Variants in STAT4 observed in about 807,000 individuals in gnomAD.
STAT4 encodes the protein signal transducer and activator of transcription 4.
Under a neutral mutation model 110.5 loss-of-function variants are expected in STAT4, and 42 were observed. The observed-to-expected ratio is 0.38, with a 90% CI of 0.30 to 0.49. The LOEUF (loss-of-function observed/expected upper bound fraction) is 0.49, where lower values mean the gene tolerates loss of function less well. STAT4 is among the 20% of genes least tolerant of loss of function. STAT4 has a pLI of 0.95. For missense variants in STAT4, 632 were observed against 887.9 expected (o/e 0.71, Z 3.66); for synonymous variants, 284 against 302.2 (o/e 0.94, Z 0.63).
rs1486303114 is a variant in STAT4 at position 191,033,636 on chromosome 2, G to C, written c.1716-10C>G. 1.9e-6 allele frequency: 3 copies of C among 1,609,502 alleles called. No individual in the cohort carries two copies. The highest frequency in any genetic ancestry group is 2.5e-6 in the Non-Finnish European group (3 of 1,178,634). ...AAAGCCCATGACATACCTAAAAATA[G>C]AACATGCATTATTTCATCTGATCAT... is the stretch of plus-strand genomic sequence containing the variant. On this transcript the variant is annotated splice_polypyrimidine_tract_variant and intron_variant, in intron 19 of 23. Coordinates refer to ENST00000392320, the MANE Select transcript of STAT4 (RefSeq NM_003151.4). This position sits in a 1 kb window ranked among gnomAD's most constrained non-coding sequence, Gnocchi z 6.9.
rs145782626 is a variant in STAT4 at position 191,142,226 on chromosome 2, T to TAC, written c.273+4386_273+4387insGT. Among the ~76,000 whole-genome samples, 6,187 of 151,566 alleles carry TAC rather than the reference T, an allele frequency of 0.041. 429 individuals are homozygous for TAC. The highest frequency in any genetic ancestry group is 0.14 in the African/African-American group (5,760 of 41,198). ...AAAATAAAGAAAATAGATATATATA[T>TAC]ATACACACACACACACATGCATACA... On this transcript the variant is annotated intron_variant, in intron 3 of 23. Coordinates refer to ENST00000392320, the MANE Select transcript of STAT4 (RefSeq NM_003151.4). The surrounding 1 kb of genome is among the most constrained non-coding windows in gnomAD (Gnocchi z 4.1).
At chr2:191,109,588 G>T (rs779334886) in intron 3 of STAT4, among the ~76,000 whole-genome samples, 3 of 152,190 alleles carry the variant, frequency 2.0e-5, no homozygotes, top group Admixed American at 1.3e-4. Flanking sequence ...CCTTGTTAAA[G>T]GCTGACCTGG....
rs562426865 is a variant in STAT4, at chr2:191,146,202, A to G, written c.273+411T>C. Among the ~76,000 whole-genome samples, 84 of 152,312 alleles carry G rather than the reference A, an allele frequency of 5.5e-4. No homozygotes were observed. The highest frequency in any genetic ancestry group is 3.4e-3 in the Middle Eastern group (1 of 294). On this transcript the variant is annotated intron_variant, in intron 3 of 23. Coordinates refer to ENST00000392320, the MANE Select transcript of STAT4 (RefSeq NM_003151.4). The surrounding 1 kb of genome is among the most constrained non-coding windows in gnomAD (Gnocchi z 4.5). ...TAAAGGAGTGTGAGATCTGAACCAAATCTGTAAGAATACATTCACTCATGA... is the reference window on the plus strand; with the variant it reads ...TAAAGGAGTGTGAGATCTGAACCAAGTCTGTAAGAATACATTCACTCATGA...
intron 13 of STAT4, among the ~76,000 whole-genome samples, chr2:191,056,204 G>T (rs1258187574): frequency 6.6e-6 from 1 of 152,162 alleles, no homozygotes; most frequent in Non-Finnish European, 1.5e-5. Flanking sequence ...GGCAGATTCA[G>T]TGGCGCCCAA....
rs3024907 is a variant in STAT4, at chr2:191,029,716, T to C, written c.*124A>G. ...ACGGGAGTGTGAAGAGAGCTTCAGATGTCAAACATTTCCTAGAACCTGGTA... is the reference window on the plus strand; with the variant it reads ...ACGGGAGTGTGAAGAGAGCTTCAGACGTCAAACATTTCCTAGAACCTGGTA... On this transcript the variant is annotated 3_prime_UTR_variant, in exon 24 of 24. Coordinates refer to ENST00000392320, the MANE Select transcript of STAT4 (RefSeq NM_003151.4). This position sits in a 1 kb window ranked among gnomAD's most constrained non-coding sequence, Gnocchi z 4.5. 954 of 876,092 alleles carry C rather than the reference T, an allele frequency of 1.1e-3. 8 individuals carry two copies. The African/African-American group carries it at 0.015, about 13-fold the overall frequency. The allele number at this position is 876,092 out of a possible 1,614,324, so 54.3% of individuals were successfully genotyped here.
intron 15 of STAT4, among the ~76,000 whole-genome samples, chr2:191,040,703 A>G (rs192966443): frequency 2.6e-5 from 4 of 152,252 alleles, no homozygotes; most frequent in South Asian, 2.1e-4. Context: ...CTGGGACTAC[A>G]GGCACATGCC....
chr2:191,049,235 C>T (rs995427519), intron 14 of STAT4, among the ~76,000 whole-genome samples: 8 of 134,016 alleles, frequency 6.0e-5, no homozygotes, highest in South Asian at 2.4e-4. Flanking sequence ...AGTGCAGTGG[C>T]GAAATTTCAG....
chr2:191,087,485 A>G (rs1697665275), intron 3 of STAT4, among the ~76,000 whole-genome samples: 1 of 152,142 alleles, frequency 6.6e-6, no homozygotes, highest in Admixed American at 6.6e-5. Flanking sequence ...ATCTCCATTA[A>G]TGCAACCACG....
intron 14 of STAT4, chr2:191,041,619 A>G (rs991453420): frequency 2.0e-5 from 3 of 152,232 alleles, no homozygotes; most frequent in African/African-American, 4.8e-5. Flanking sequence ...TGTTCCCTCC[A>G]GACACTCCAA....
rs957539486 is a variant in STAT4 at position 191,035,915 on chromosome 2, T to G, written c.1570+249A>C. Among the ~76,000 whole-genome samples the G allele has an allele frequency of 6.6e-6, 1 of 152,208 alleles. No homozygotes were observed. Among genetic ancestry groups the G allele is most frequent in the East Asian group, 1.9e-4 (1 of 5,202 alleles). On this transcript the variant is annotated intron_variant, in intron 17 of 23. Coordinates refer to ENST00000392320, the MANE Select transcript of STAT4 (RefSeq NM_003151.4). The surrounding 1 kb of genome is among the most constrained non-coding windows in gnomAD (Gnocchi z 4.7). The stretch of plus-strand genomic sequence containing the variant: ...CTGCTGTGTACTAGCCATGCAGCCG[T>G]GGCAAGTCACTTGACTTCTGCACTC...
At chr2:191,151,591 G>A (rs1574208837), upstream of STAT4, 11 of 985,426 alleles carry the variant, frequency 1.1e-5, no homozygotes, top group East Asian at 3.4e-4. This position sits in a 1 kb window ranked among gnomAD's most constrained non-coding sequence, Gnocchi z 4.7. Flanking sequence ...GAGTAGCCTT[G>A]CCCCTGGTTG....
chr2:191,073,267 C>A, intron 4 of STAT4, 77 bp from the exon 5 acceptor site: 2 of 1,193,324 alleles, frequency 1.7e-6, no homozygotes, highest in South Asian at 2.5e-5. Flanking sequence ...GCATACAATT[C>A]GACCTGAGGT....
At chr2:191,092,900 C>T (rs1342775843) in intron 3 of STAT4, among the ~76,000 whole-genome samples, 2 of 152,216 alleles carry the variant, frequency 1.3e-5, no homozygotes, top group African/African-American at 4.8e-5. Context: ...TTATATCCCA[C>T]ACGTGGCTCG....
At chr2:191,073,024 T>G (rs1190441496) in intron 5 of STAT4, 74 bp downstream of exon 5, 4 of 1,216,688 alleles carry the variant, frequency 3.3e-6, no homozygotes, top group Non-Finnish European at 4.7e-6. Flanking sequence ...TAACTTTGGG[T>G]GCATGGGAGA....
intron 5 of STAT4, 47 bp from the exon 6 acceptor site, chr2:191,069,818 T>G: frequency 6.9e-7 from 1 of 1,452,322 alleles, no homozygotes; most frequent in African/African-American, 1.4e-5. Context: ...CAATTAAGCA[T>G]GTCAATCAAA....
chr2:191,048,032 T>C (rs1696398647), intron 14 of STAT4, among the ~76,000 whole-genome samples: 5 of 152,210 alleles, frequency 3.3e-5, no homozygotes, highest in Admixed American at 3.3e-4. Context: ...CTCAGCTCTT[T>C]GAGTTATGGA....
At position 191,064,834 on chromosome 2, in the gene STAT4, T is replaced by C. The variant is rs776049747; in HGVS notation, c.755A>G (p.His252Arg). ...GTTCTGAAGCTGGTCGAGCCCATTG[T>C]GGAGTGGACCCCCGATGCAGGCGAT... ...QQIACIGGPL[H>R]NGLDQLQNCF... Residue 252 changes from histidine to arginine, a missense_variant, in exon 8 of 24, where the codon CAC becomes CGC. Around this residue, in one of 4 missense-constraint regions of STAT4, gnomAD observed 488 missense variants for 632.8 expected, o/e 0.77. Transcript: ENST00000392320. 3.1e-6 allele frequency: 5 copies of C among 1,613,216 alleles called. No homozygotes were observed. The highest frequency in any genetic ancestry group is 4.2e-6 in the Non-Finnish European group (5 of 1,179,576).
At position 191,137,171 on chromosome 2, in the gene STAT4, C is replaced by T. The variant is rs551888292; in HGVS notation, c.273+9442G>A. On this transcript the variant is annotated intron_variant, in intron 3 of 23. Coordinates refer to ENST00000392320, the MANE Select transcript of STAT4 (RefSeq NM_003151.4). Reference sequence around the variant, plus strand: ...CAACCTGGCCAACGTGGTGAAACCCCGTCTCTAGTAAAAATACAAACATTA... The same window carrying T: ...CAACCTGGCCAACGTGGTGAAACCCTGTCTCTAGTAAAAATACAAACATTA... 5.3e-5 allele frequency among the ~76,000 whole-genome samples: 8 copies of T among 151,992 alleles called. No homozygotes were observed. In the South Asian group the frequency reaches 1.5e-3, roughly 28 times the overall value.
Position 191,130,215 on chromosome 2 carries a change from T to C in STAT4, c.273+16398A>G, listed in dbSNP as rs866200707. Reference sequence around the variant, plus strand: ...TGTTACTGTTTTGGCTTTCAGTCTATCTCCCTTTTTTTTTTTTTTTTTTTT... The same window carrying C: ...TGTTACTGTTTTGGCTTTCAGTCTACCTCCCTTTTTTTTTTTTTTTTTTTT... On this transcript the variant is annotated intron_variant, in intron 3 of 23. Transcript: ENST00000392320. Among the ~76,000 whole-genome samples the C allele has an allele frequency of 8.9e-5, 8 of 89,506 alleles. No homozygotes were observed. The South Asian group carries it at 2.7e-3, about 30-fold the overall frequency. The allele number at this position is 89,506 out of a possible 152,430, so 58.7% of individuals were successfully genotyped here.
Sources: gnomAD v4.1 joint callset for allele counts (sites outside exome capture counted in the v4.1 genomes callset) on GRCh38, gnomAD v4.1.1 for gene constraint, gnomAD v4.1.1 regional missense constraint, Gnocchi (gnomAD v3.1) non-coding constraint, MANE v1.5 for transcripts, NCBI Gene and HGNC (gene_info 2026-07-23, HGNC 2026-07-21) for gene names.